SEC16B: variants seen among roughly 807,000 people sequenced by gnomAD.
The protein encoded by SEC16B is SEC16 homolog B, endoplasmic reticulum export factor.
Under a neutral mutation model 141.8 loss-of-function variants are expected in SEC16B, and 115 were observed. The ratio of observed to expected loss-of-function variants is 0.81; its 90% confidence interval spans 0.70 to 0.95. SEC16B has a LOEUF of 0.95. Among genes scored for constraint, SEC16B ranks in the 40% least tolerant of loss-of-function variants. The pLI, the probability that SEC16B is intolerant of heterozygous loss-of-function variation, is 0.00. For synonymous variants in SEC16B, 493 were observed against 492.5 expected (o/e 1.00, Z -0.01); for missense variants, 1,291 against 1,312.3 (o/e 0.98, Z 0.25).
chr1:177,979,259 TGATA>T (rs370027785), intron 1 of SEC16B, among the ~76,000 whole-genome samples: 42 of 152,362 alleles, frequency 2.8e-4, no homozygotes, highest in East Asian at 1.2e-3. Context: ...TTCAACCTGA[TGATA>T]GATAGATAGA....
intron 14 of SEC16B, chr1:177,946,016 C>T: frequency 2.7e-6 from 1 of 376,316 alleles, no homozygotes; most frequent in Non-Finnish European, 4.7e-6. Context: ...AAACTTCTTC[C>T]ATTTTCCAGT....
Position 177,964,020 on chromosome 1 carries a change from T to C in SEC16B, c.642+151A>G, listed in dbSNP as rs536566721. 5.2e-6 allele frequency: 3 copies of C among 572,712 alleles called. No homozygotes were observed. The South Asian group carries it at 6.9e-5, about 13-fold the overall frequency. 35.5% of individuals were successfully genotyped at this position (572,712 alleles called of 1,614,324 possible). A position where few individuals can be genotyped will look rare whatever the true frequency, so the allele number is the denominator to read the frequency against. ...AGTAAGGAGGGAAAAAAGGAAGGCA[T>C]GGGCGGAGGTTCTGCCAAGAGGGGA... On this transcript the variant is annotated intron_variant, in intron 5 of 25. Transcript: ENST00000308284.
At chr1:177,973,943 T>C (rs1244453045), upstream of SEC16B, among the ~76,000 whole-genome samples, 4 of 151,882 alleles carry the variant, frequency 2.6e-5, no homozygotes, top group Non-Finnish European at 5.9e-5. Flanking sequence ...GCAGGACAGA[T>C]GAATGCCTGA....
chr1:177,957,945 TTAA>T (rs1314469319), intron 10 of SEC16B, among the ~76,000 whole-genome samples, 184 bp downstream of exon 10: 2 of 152,090 alleles, frequency 1.3e-5, no homozygotes, highest in Non-Finnish European at 2.9e-5. Flanking sequence ...CTTATTTCAT[TTAA>T]TAGTTCATTG....
intron 15 of SEC16B, among the ~76,000 whole-genome samples, chr1:177,943,690 G>T (rs1651454298): frequency 6.6e-6 from 1 of 152,232 alleles, no homozygotes; most frequent in South Asian, 2.1e-4. Context: ...TGTCAGTGGG[G>T]GGCCCTGGAT....
intron 8 of SEC16B, 155 bp from the exon 9 acceptor site, chr1:177,959,130 G>A (rs74338226): frequency 0.015 from 11,170 of 762,486 alleles, 170 homozygotes; most frequent in South Asian, 0.04. Flanking sequence ...TATAGCTATA[G>A]GATAGTTATT....
upstream of SEC16B, among the ~76,000 whole-genome samples, chr1:177,972,877 G>T (rs549984041): frequency 1.2e-3 from 186 of 152,266 alleles, no homozygotes; most frequent in African/African-American, 4.3e-3. Context: ...AGACACAAGA[G>T]GGTTTGCTTC....
intron 24 of SEC16B, among the ~76,000 whole-genome samples, chr1:177,931,984 A>T (rs1650450874): frequency 6.6e-6 from 1 of 151,140 alleles, no homozygotes; most frequent in Non-Finnish European, 1.5e-5. Context: ...CTGTGTTCCC[A>T]GAAAAAAAAA....
chr1:177,953,357 C>A (rs1037065319), intron 11 of SEC16B, among the ~76,000 whole-genome samples: 1 of 152,184 alleles, frequency 6.6e-6, no homozygotes, highest in African/African-American at 2.4e-5. Context: ...ATGGCCAATT[C>A]AAATATTAGT....
intron 1 of SEC16B, 86 bp from the exon 2 acceptor site, chr1:177,968,125 C>G: frequency 1.3e-6 from 1 of 750,784 alleles, no homozygotes; most frequent in Non-Finnish European, 2.1e-6. Context: ...AAAAGAGCAG[C>G]TATGGTCCTC....
chr1:177,949,542 G>A (rs1385223039), intron 12 of SEC16B, among the ~76,000 whole-genome samples: 1 of 151,964 alleles, frequency 6.6e-6, no homozygotes, highest in African/African-American at 2.4e-5. Flanking sequence ...GAGAGAGAGA[G>A]AGAAAGCACC....
At chr1:177,930,887 T>C (rs943453294) in intron 24 of SEC16B, among the ~76,000 whole-genome samples, 16 of 152,186 alleles carry the variant, frequency 1.1e-4, no homozygotes, top group African/African-American at 3.4e-4. Flanking sequence ...CACAATGAGA[T>C]ACCATCTTAC....
At chr1:177,963,939 T>C (rs937432633) in intron 5 of SEC16B, among the ~76,000 whole-genome samples, 1 of 152,174 alleles carries the variant, frequency 6.6e-6, no homozygotes, top group African/African-American at 2.4e-5. Flanking sequence ...ATCCTGTCAA[T>C]TTGATAAAAA....
intron 8 of SEC16B, 96 bp from the exon 9 acceptor site, chr1:177,959,071 G>T: frequency 7.6e-7 from 1 of 1,321,306 alleles, no homozygotes; most frequent in Non-Finnish European, 1.1e-6. Context: ...TGCTGGCTGG[G>T]CTGTGATTGA....
At chr1:177,952,022 G>A in intron 11 of SEC16B, 27 bp from the exon 12 acceptor site, 2 of 1,572,680 alleles carry the variant, frequency 1.3e-6, no homozygotes, top group Non-Finnish European at 1.7e-6. Flanking sequence ...AGTCAGCGAG[G>A]ACCAAGCCCA....
At chr1:177,982,011 A>G (rs1461245544) in intron 1 of SEC16B, among the ~76,000 whole-genome samples, 1 of 152,208 alleles carries the variant, frequency 6.6e-6, no homozygotes, top group East Asian at 1.9e-4. Context: ...TTTAAGGTAA[A>G]AAGCAGAGGA....
Position 177,939,696 on chromosome 1 carries a change from G to T in SEC16B, c.2203+6C>A. ...ATGTATATGCTCAGTTCATCATTTT[G>T]GGTACCTGTTGTTGTTCCTCCGGCT... On this transcript the variant is annotated splice_donor_region_variant and intron_variant, in intron 18 of 25. Coordinates refer to ENST00000308284, the MANE Select transcript of SEC16B (RefSeq NM_033127.4). 1 of 1,579,642 alleles carries T rather than the reference G, an allele frequency of 6.3e-7. No homozygotes were observed. The highest frequency in any genetic ancestry group is 8.6e-7 in the Non-Finnish European group (1 of 1,158,636).
intron 10 of SEC16B, 83 bp from the exon 11 acceptor site, chr1:177,954,459 G>A: frequency 4.5e-6 from 5 of 1,103,428 alleles, no homozygotes; most frequent in Non-Finnish European, 6.7e-6. Context: ...GCTGCATCCT[G>A]AGCAGCAGAG....
intron 16 of SEC16B, among the ~76,000 whole-genome samples, chr1:177,940,999 G>T (rs1651231326): frequency 6.6e-6 from 1 of 152,314 alleles, no homozygotes; most frequent in South Asian, 2.1e-4. Context: ...AAAGCTGTCT[G>T]CTCTGTAACA....
Sources: allele counts gnomAD v4.1 joint callset (sites outside exome capture counted in the v4.1 genomes callset), GRCh38; gene constraint gnomAD v4.1.1; transcripts MANE v1.5; gene names NCBI Gene and HGNC (gene_info 2026-07-23, HGNC 2026-07-21).